The following GMPS variants were observed in gnomAD, a reference collection of about 807,000 sequenced individuals.
GMPS encodes GMP synthase [glutamine-hydrolyzing].
A neutral mutation model predicts 77.9 loss-of-function variants in GMPS; 15 were observed. The ratio of observed to expected loss-of-function variants is 0.19; its 90% confidence interval spans 0.13 to 0.30. GMPS has a LOEUF of 0.30. Among genes scored for constraint, GMPS ranks in the 10% least tolerant of loss-of-function variants. The probability of loss-of-function intolerance (pLI) is 1.00; values close to 1 mark genes in which losing one functional copy is unlikely to be tolerated. For synonymous variants in GMPS, 224 were observed against 275.9 expected (o/e 0.81, Z 1.86); for missense variants, 590 against 838.8 (o/e 0.70, Z 3.66).
intron 13 of GMPS, 119 bp downstream of exon 13, chr3:155,931,999 A>C (rs976091340): frequency 3.8e-6 from 2 of 529,356 alleles, no homozygotes; most frequent in Non-Finnish European, 6.8e-6. Context: ...TCATGTAGAT[A>C]AGAGTAAATG....
intron 12 of GMPS, among the ~76,000 whole-genome samples, chr3:155,927,511 A>G (rs1755487690): frequency 6.6e-6 from 1 of 152,196 alleles, no homozygotes; most frequent in East Asian, 1.9e-4. Flanking sequence ...TTCAGGCTCT[A>G]CTACTTTTCC....
At position 155,938,074 on chromosome 3, in the gene GMPS, T is replaced by A; in HGVS notation, c.*382T>A. The A allele has an allele frequency of 4.1e-6, 1 of 241,354 alleles. No homozygotes were observed. The highest frequency in any genetic ancestry group is 8.1e-6 in the Non-Finnish European group (1 of 123,212). The allele number at this position is 241,354 out of a possible 1,614,324, so 15.0% of individuals were successfully genotyped here. ...AAGAACTGTTAGAAACGCCCATTAT[T>A]TACCAGTGTTACTTACTACTTATAT... On this transcript the variant is annotated 3_prime_UTR_variant, in exon 16 of 16. Transcript: ENST00000496455.
At chr3:155,929,131 G>A (rs1200514898) in intron 12 of GMPS, among the ~76,000 whole-genome samples, 1 of 151,578 alleles carries the variant, frequency 6.6e-6, no homozygotes, top group Non-Finnish European at 1.5e-5. Flanking sequence ...CACAATGGTT[G>A]AACTAGTTTA....
In GMPS at chr3:155,879,411, G is replaced by A. The variant is rs544608873; in HGVS notation, c.27+8514G>A. Among the ~76,000 whole-genome samples the A allele has an allele frequency of 2.8e-4, 43 of 151,814 alleles. 2 individuals carry two copies. The highest frequency in any genetic ancestry group is 5.4e-4 in the Non-Finnish European group (37 of 67,976). The stretch of plus-strand genomic sequence containing the variant: ...GCCTCCCAAGTAGCTGGGATTACAG[G>A]CATGCGCCACCACACTGGCTAATTT... On this transcript the variant is annotated intron_variant, in intron 1 of 15. Transcript: ENST00000496455.
chr3:155,889,931 C>T (rs1339907092), intron 1 of GMPS, among the ~76,000 whole-genome samples: 1 of 152,106 alleles, frequency 6.6e-6, no homozygotes, highest in Non-Finnish European at 1.5e-5. Context: ...TCTTGTGATG[C>T]TGAATTTTAT....
intron 1 of GMPS, among the ~76,000 whole-genome samples, chr3:155,877,939 A>G (rs1186135800): frequency 1.3e-5 from 2 of 151,780 alleles, no homozygotes; most frequent in Non-Finnish European, 2.9e-5. Context: ...ATGCCCAGCT[A>G]ATTTTTGTAT....
intron 13 of GMPS, among the ~76,000 whole-genome samples, chr3:155,934,298 C>T (rs1387195782): frequency 6.6e-6 from 1 of 152,208 alleles, no homozygotes; most frequent in East Asian, 1.9e-4. Context: ...TTTATTCTCT[C>T]ACAGTTTAGG....
chr3:155,905,454 TTAAC>T (rs1461015956), intron 4 of GMPS, among the ~76,000 whole-genome samples: 4 of 152,178 alleles, frequency 2.6e-5, no homozygotes, highest in Non-Finnish European at 4.4e-5. Context: ...TAACACTTAC[TTAAC>T]TAAGTTTCAT....
intron 5 of GMPS, among the ~76,000 whole-genome samples, chr3:155,908,317 G>T (rs779209733): frequency 1.3e-5 from 2 of 152,244 alleles, no homozygotes; most frequent in Admixed American, 1.3e-4. Flanking sequence ...GGCCTTTCCT[G>T]TTCCTGTGTG....
intron 1 of GMPS, among the ~76,000 whole-genome samples, chr3:155,884,723 A>G (rs1754295391): frequency 6.6e-6 from 1 of 152,228 alleles, no homozygotes; most frequent in African/African-American, 2.4e-5. Context: ...TACATACAGT[A>G]GAACTGTATT....
intron 15 of GMPS, 103 bp downstream of exon 15, chr3:155,936,613 T>A (rs190089946): frequency 2.6e-5 from 18 of 699,892 alleles, no homozygotes; most frequent in African/African-American, 7.1e-5. Flanking sequence ...CTTATGTTGG[T>A]TTTCTGTTCA....
intron 12 of GMPS, among the ~76,000 whole-genome samples, chr3:155,930,729 T>C (rs1270216543): frequency 6.6e-6 from 1 of 152,214 alleles, no homozygotes; most frequent in African/African-American, 2.4e-5. Context: ...GATAAGTAAA[T>C]GTTTATGAAT....
At chr3:155,925,401 T>A (rs1160238599) in intron 12 of GMPS, 35 bp downstream of exon 12, 1 of 429,024 alleles carries the variant, frequency 2.3e-6, no homozygotes, top group Non-Finnish European at 3.3e-6. Flanking sequence ...AGTGATATAC[T>A]TTTTTTTTTT....
intron 1 of GMPS, among the ~76,000 whole-genome samples, chr3:155,888,172 A>G (rs2108065500): frequency 6.6e-6 from 1 of 151,660 alleles, no homozygotes; most frequent in South Asian, 2.1e-4. Context: ...TTAGCCTAAA[A>G]AATTATGTGT....
At chr3:155,936,242 A>T in intron 14 of GMPS, 96 bp from the exon 15 acceptor site, 1 of 754,666 alleles carries the variant, frequency 1.3e-6, no homozygotes, top group Non-Finnish European at 2.4e-6. Context: ...GTGTGTGTAT[A>T]TGTGATTTCA....
At chr3:155,898,699 A>G (rs1386734131) in intron 3 of GMPS, among the ~76,000 whole-genome samples, 1 of 152,148 alleles carries the variant, frequency 6.6e-6, no homozygotes, top group African/African-American at 2.4e-5. Flanking sequence ...TTTGTAGAAC[A>G]TTTCCCAACT....
At chr3:155,872,367 A>G (rs545473969) in intron 1 of GMPS, among the ~76,000 whole-genome samples, 9 of 152,370 alleles carry the variant, frequency 5.9e-5, no homozygotes, top group South Asian at 2.1e-4. Flanking sequence ...CCTAAGGAGC[A>G]AATGTAAACC....
chr3:155,928,253 CT>C (rs1168494735), intron 12 of GMPS, among the ~76,000 whole-genome samples: 1 of 150,798 alleles, frequency 6.6e-6, no homozygotes, highest in Non-Finnish European at 1.5e-5. Flanking sequence ...TCTCGAACTC[CT>C]GAGCTCAGGC....
chr3:155,887,916 A>T (rs985554762), intron 1 of GMPS, among the ~76,000 whole-genome samples: 2 of 152,216 alleles, frequency 1.3e-5, no homozygotes, highest in African/African-American at 4.8e-5. Flanking sequence ...AGGTTAAAAA[A>T]TTTAAAAATA....
Sources: gnomAD v4.1 joint callset for allele counts (sites outside exome capture counted in the v4.1 genomes callset) on GRCh38, gnomAD v4.1.1 for gene constraint, MANE v1.5 for transcripts, NCBI Gene and HGNC (gene_info 2026-07-23, HGNC 2026-07-21) for gene names.